The following APBB1 variants were observed in gnomAD, a reference collection of about 807,000 sequenced individuals.
APBB1 encodes the protein adaptor protein FE65a2.
Under a neutral mutation model 78.4 loss-of-function variants are expected in APBB1, and 22 were observed. The observed-to-expected ratio is 0.28, with a 90% CI of 0.20 to 0.40. The LOEUF (loss-of-function observed/expected upper bound fraction) is 0.40. APBB1 is among the 10% of genes least tolerant of loss of function. The pLI, the probability that APBB1 is intolerant of heterozygous loss-of-function variation, is 1.00. For synonymous variants in APBB1, 369 were observed against 372.7 expected, an observed-to-expected ratio of 0.99 and a Z score of 0.12; for missense variants, 749 against 932.4, an observed-to-expected ratio of 0.80 and a Z score of 2.56.
chr11:6,403,557 A>G lies in APBB1; in HGVS notation c.898-13T>C. 6.2e-7 allele frequency: 1 copy of G among 1,614,176 alleles called. No individual in the cohort carries two copies. Among genetic ancestry groups the G allele is most frequent in the Non-Finnish European group, 8.5e-7 (1 of 1,180,032 alleles). On this transcript the variant is annotated splice_polypyrimidine_tract_variant and intron_variant, in intron 3 of 14. Coordinates refer to ENST00000609360, the MANE Select transcript of APBB1 (RefSeq NM_001164.5). The surrounding 1 kb of genome is among the most constrained non-coding windows in gnomAD (Gnocchi z 5.3). ...CTGTCCAGGTGAGCTAGGAGGAGGGATGGGAGTAGTGAGTGAGTGTCCTAT... is the reference window on the plus strand; with the variant it reads ...CTGTCCAGGTGAGCTAGGAGGAGGGGTGGGAGTAGTGAGTGAGTGTCCTAT...
At chr11:6,405,604 C>T in intron 2 of APBB1, 5 of 985,992 alleles carry the variant, frequency 5.1e-6, no homozygotes, top group Non-Finnish European at 6.0e-6. Context: ...GCCAAGGTGG[C>T]TGCACACCTG....
Position 6,401,468 on chromosome 11 carries a change from A to G in APBB1, c.1504-39T>C, listed in dbSNP as rs761083547. ...GGAGGCGAGGAGCCAGGGAGAATCTATTAGAGCCTCATTGCCCTGGGGCCC... is the reference window on the plus strand; with the variant it reads ...GGAGGCGAGGAGCCAGGGAGAATCTGTTAGAGCCTCATTGCCCTGGGGCCC... On this transcript the variant is annotated intron_variant, in intron 10 of 14. Transcript: ENST00000609360. The surrounding 1 kb of genome is among the most constrained non-coding windows in gnomAD (Gnocchi z 4.5). 1.2e-5 allele frequency: 20 copies of G among 1,612,788 alleles called. No homozygotes were observed. The highest frequency in any genetic ancestry group is 1.7e-4 in the Middle Eastern group (1 of 6,056).
Position 6,396,166 on chromosome 11 carries a change from G to T in APBB1, c.1722C>A (p.Ser574Arg), listed in dbSNP as rs1460300444. 6.4e-7 allele frequency: 1 copy of T among 1,551,898 alleles called. No homozygotes were observed. Among genetic ancestry groups the T allele is most frequent in the Admixed American group, 2.0e-5 (1 of 50,706 alleles). The change falls in exon 13 of 15, where the codon AGC becomes AGA. Residue 574 changes from serine to arginine, a missense_variant. Ser to Arg is a moderately radical substitution (Grantham distance 110). This residue lies in a region of APBB1 where 635 missense variants were observed against 765.0 expected (regional missense o/e 0.83). Transcript: ENST00000609360. ...CATGACTTGGGGTCCATTGTTCACG[G>T]CTGCTGGAGGACAGGACTGACTCGA... ...GALESVLSSS[S>R]REQWTPSHVS...
intron 2 of APBB1, chr11:6,404,769 T>C (rs1267830012): frequency 2.7e-5 from 42 of 1,536,106 alleles, no homozygotes; most frequent in Middle Eastern, 1.7e-4. Context: ...TGCAGGATAA[T>C]GGCCAGGAAA....
At chr11:6,405,040 T>A (rs1159266624) in intron 2 of APBB1, 1 of 1,416,202 alleles carries the variant, frequency 7.1e-7, no homozygotes, top group Non-Finnish European at 9.2e-7. Context: ...GGGAGGTTCA[T>A]GAGACCCCAG....
chr11:6,401,553 AG>A lies in APBB1; in HGVS notation c.1503+20del. ...GTAGAGCAAAGGTGGCAACTAGTCC[AG>A]GGAGTGGAGGGGGCCGTGCCTTAGA... On this transcript the variant is annotated intron_variant, in intron 10 of 14. Transcript: ENST00000609360. The surrounding 1 kb of genome is among the most constrained non-coding windows in gnomAD (Gnocchi z 4.5). The A allele has an allele frequency of 6.2e-7, 1 of 1,614,166 alleles. No homozygotes were observed. The highest frequency in any genetic ancestry group is 8.5e-7 in the Non-Finnish European group (1 of 1,180,020).
In APBB1 at chr11:6,411,090, G is replaced by T; in HGVS notation, c.258C>A (p.Asp86Glu). The change falls in exon 2 of 15, where the codon GAC becomes GAA. Residue 86 changes from aspartate (D) to glutamate (E), a missense_variant. This residue lies in a region of APBB1 where 635 missense variants were observed against 765.0 expected (regional missense o/e 0.83). Transcript: ENST00000609360. This position sits in a 1 kb window ranked among gnomAD's most constrained non-coding sequence, Gnocchi z 5.2. ...QLRRAATAHR[D>E]QNRNVTLTLA... ...AGGTCAAGGTCACATTGCGATTCTGGTCACGGTGGGCCGTGGCGGCCCGCC... is the reference window on the plus strand; with the variant it reads ...AGGTCAAGGTCACATTGCGATTCTGTTCACGGTGGGCCGTGGCGGCCCGCC... The T allele has an allele frequency of 6.2e-7, 1 of 1,613,292 alleles. No homozygotes were observed.
At chr11:6,419,166 G>C (rs1156363282), upstream of APBB1, 1 of 341,540 alleles carries the variant, frequency 2.9e-6, no homozygotes, top group Non-Finnish European at 5.3e-6. Context: ...GGGCGGGCGC[G>C]GGAGCGAGCT....
At chr11:6,400,952 A>G in intron 12 of APBB1, 37 bp downstream of exon 12, 2 of 1,588,816 alleles carry the variant, frequency 1.3e-6, no homozygotes, top group Non-Finnish European at 1.7e-6. Context: ...TTTTAGGATC[A>G]AGGTAGCAGC....
intron 1 of APBB1, among the ~76,000 whole-genome samples, chr11:6,414,349 G>A (rs1849068442): frequency 6.6e-6 from 1 of 152,090 alleles, no homozygotes; most frequent in Non-Finnish European, 1.5e-5. Context: ...ACCATCAAGT[G>A]ACTGTTCTCT....
At chr11:6,399,658 T>C (rs994655633) in intron 12 of APBB1, among the ~76,000 whole-genome samples, 15 of 152,146 alleles carry the variant, frequency 9.9e-5, no homozygotes, top group East Asian at 7.7e-4. Flanking sequence ...CTCCATGAAA[T>C]AGCCAAAGTG....
rs1290625702 is a variant in APBB1, at chr11:6,410,980, G to A, written c.368C>T (p.Ser123Leu). The A allele has an allele frequency of 1.2e-6, 2 of 1,614,194 alleles. No individual in the cohort carries two copies. The highest frequency in any genetic ancestry group is 3.3e-5 in the Admixed American group (2 of 60,032). The change falls in exon 2 of 15, where the codon TCA becomes TTA. Residue 123 changes from serine to leucine, a missense_variant. By Grantham distance (145) the Ser-to-Leu change is moderately radical. This residue lies in a region of APBB1 where 635 missense variants were observed against 765.0 expected (regional missense o/e 0.83). Coordinates refer to ENST00000609360, the MANE Select transcript of APBB1 (RefSeq NM_001164.5). ...LIHLYSELEL[S>L]AHNAANRGLR... The stretch of plus-strand genomic sequence containing the variant: ...GCCTCGGTTGGCTGCGTTGTGAGCT[G>A]AGAGCTCCAGCTCAGAGTACAGGTG...
At chr11:6,396,050 T>C in intron 13 of APBB1, 50 bp downstream of exon 13, 1 of 1,599,410 alleles carries the variant, frequency 6.3e-7, no homozygotes, top group Non-Finnish European at 8.5e-7. Context: ...TCACCCCCAG[T>C]CTCCCCTCTA....
At chr11:6,408,715 G>A (rs1334138017) in intron 2 of APBB1, among the ~76,000 whole-genome samples, 3 of 152,080 alleles carry the variant, frequency 2.0e-5, no homozygotes, top group Admixed American at 6.5e-5. Context: ...TGTTGGCCAG[G>A]CTGATCTCGA....
At chr11:6,414,365 G>A (rs183454251) in intron 1 of APBB1, among the ~76,000 whole-genome samples, 157 of 152,168 alleles carry the variant, frequency 1.0e-3, no homozygotes, top group African/African-American at 3.5e-3. Context: ...TCTCTCCTTC[G>A]TGTCTCACAA....
intron 1 of APBB1, among the ~76,000 whole-genome samples, chr11:6,413,363 T>C (rs1849029572): frequency 1.3e-5 from 2 of 152,202 alleles, no homozygotes; most frequent in South Asian, 4.1e-4. Context: ...TTCTCCTTGA[T>C]GTCTTATCTG....
intron 7 of APBB1, 53 bp downstream of exon 7, chr11:6,402,523 A>C: frequency 6.3e-7 from 1 of 1,576,274 alleles, no homozygotes; most frequent in Non-Finnish European, 8.7e-7. Context: ...ATCTCTCATA[A>C]TTCCCTTCAC....
chr11:6,405,333 C>T, intron 2 of APBB1: 2 of 987,138 alleles, frequency 2.0e-6, no homozygotes, highest in Non-Finnish European at 2.4e-6. Context: ...TCCTGAGCCC[C>T]AGCAAGCTTG....
intron 1 of APBB1, among the ~76,000 whole-genome samples, chr11:6,415,088 C>A (rs143956123): frequency 6.6e-6 from 1 of 152,242 alleles, no homozygotes; most frequent in Non-Finnish European, 1.5e-5. Flanking sequence ...TCACCAACAC[C>A]CCACTGCTCG....
Sources: allele counts gnomAD v4.1 joint callset (sites outside exome capture counted in the v4.1 genomes callset), GRCh38; gene constraint gnomAD v4.1.1; regional missense constraint gnomAD v4.1.1; non-coding constraint Gnocchi (gnomAD v3.1); transcripts MANE v1.5; gene names NCBI Gene and HGNC (gene_info 2026-07-23, HGNC 2026-07-21).